MORF4L1: variants seen among roughly 807,000 people sequenced by gnomAD.
MORF4L1 encodes the protein mortality factor 4 like 1, also known as mortality factor 4-like protein 1.
In MORF4L1, 4 loss-of-function variants were observed where a neutral mutation model predicts 52.9. That is an observed-to-expected ratio of 0.08 (90% CI 0.04 to 0.17). The LOEUF (loss-of-function observed/expected upper bound fraction) is 0.17. Ranked by LOEUF, MORF4L1 falls within the 10% of genes least tolerant of loss-of-function variation. The pLI, the probability that MORF4L1 is intolerant of heterozygous loss-of-function variation, is 1.00. For synonymous variants in MORF4L1, 123 were observed against 134.8 expected (o/e 0.91, Z 0.61); for missense variants, 214 against 390.4 (o/e 0.55, Z 3.81).
At chr15:78,886,441 C>G in intron 4 of MORF4L1, 1 of 554,260 alleles carries the variant, frequency 1.8e-6, no homozygotes, top group Non-Finnish European at 3.3e-6. Flanking sequence ...TATCTTAGAC[C>G]TAGGTAGAAA....
chr15:78,896,567 C>T lies in MORF4L1; in HGVS notation c.888-416C>T, dbSNP rs565863174. ...AGGTGATCAGCTTGCCTTGGCCTCCCAAAGTGCTGGGATTACAGGCATGAG... is the reference window on the plus strand; with the variant it reads ...AGGTGATCAGCTTGCCTTGGCCTCCTAAAGTGCTGGGATTACAGGCATGAG... On this transcript the variant is annotated intron_variant, in intron 11 of 11. Transcript: ENST00000426013. Among the ~76,000 whole-genome samples, 24 of 152,176 alleles carry T rather than the reference C, an allele frequency of 1.6e-4. No homozygotes were observed. In the South Asian group the frequency reaches 4.6e-3, roughly 29 times the overall value.
rs1207371940 is a variant in MORF4L1, at chr15:78,882,135, A to AT, written c.155+1563dup. On this transcript the variant is annotated intron_variant, in intron 3 of 11. Transcript: ENST00000426013. Reference sequence around the variant, plus strand: ...AAGTGCATCCTGACAACTTGTGGGTATTTTTTTCCCAGTTAATGATAATTA... The same window carrying AT: ...AAGTGCATCCTGACAACTTGTGGGTATTTTTTTTCCCAGTTAATGATAATTA... Among the ~76,000 whole-genome samples, 7 of 152,216 alleles carry AT rather than the reference A, an allele frequency of 4.6e-5. No homozygotes were observed. The East Asian group carries it at 5.8e-4, about 13-fold the overall frequency.
chr15:78,887,229 T>C (rs760346483), intron 4 of MORF4L1, 40 bp from the exon 5 acceptor site: 1 of 1,525,488 alleles, frequency 6.6e-7, no homozygotes, highest in Admixed American at 2.0e-5. Context: ...TTCACATAAA[T>C]GCTCATTTTA....
rs767685603 is a variant in MORF4L1 at position 78,878,226 on chromosome 15, G to A, written c.54G>A (p.Leu18=). The part of the protein sequence containing the change: ...KPKFQEGERV[L]CFHGPLLYEA... ...CTCCCTTTACAGGTGAGCGAGTGCTGTGCTTTCATGGGCCTCTTCTTTATG... is the reference window on the plus strand; with the variant it reads ...CTCCCTTTACAGGTGAGCGAGTGCTATGCTTTCATGGGCCTCTTCTTTATG... The change falls in exon 2 of 12, where the codon CTG becomes CTA. Residue 18 remains leucine, a synonymous_variant. Coordinates refer to ENST00000426013, the MANE Select transcript of MORF4L1 (RefSeq NM_006791.4). 1.1e-5 allele frequency: 17 copies of A among 1,611,854 alleles called. No individual in the cohort carries two copies. The South Asian group carries it at 1.8e-4, about 17-fold the overall frequency.
At chr15:78,881,750 C>T (rs755947889) in intron 3 of MORF4L1, among the ~76,000 whole-genome samples, 7 of 152,162 alleles carry the variant, frequency 4.6e-5, no homozygotes, top group Admixed American at 3.3e-4. Context: ...ATGCCTTGTC[C>T]TTCAAAGATA....
intron 2 of MORF4L1, among the ~76,000 whole-genome samples, chr15:78,879,022 C>T (rs2056548683): frequency 6.7e-6 from 1 of 148,528 alleles, no homozygotes; most frequent in Non-Finnish European, 1.5e-5. Flanking sequence ...TAAATATTAG[C>T]CATTTTCACT....
At chr15:78,890,968 C>CT (rs747064892) in intron 5 of MORF4L1, 21 bp from the exon 6 acceptor site, 54 of 1,434,748 alleles carry the variant, frequency 3.8e-5, no homozygotes, top group East Asian at 3.3e-4. Flanking sequence ...AATTATTTTT[C>CT]TTTTTTTTCT....
rs2056918137 is a variant in MORF4L1 at position 78,898,044 on chromosome 15, T to A, written c.*977T>A. The A allele has an allele frequency of 6.6e-6, 1 of 152,210 alleles. No homozygotes were observed. Among genetic ancestry groups the A allele is most frequent in the African/African-American group, 2.4e-5 (1 of 41,464 alleles). 9.4% of individuals were successfully genotyped at this position (152,210 alleles called of 1,614,324 possible). The stretch of plus-strand genomic sequence containing the variant: ...ATTATGGTCAGCTTTTTTCTGTCTA[T>A]AATTGTTTACTTTTGTGGGTTTACT... On this transcript the variant is annotated 3_prime_UTR_variant, in exon 12 of 12. Coordinates refer to ENST00000426013, the MANE Select transcript of MORF4L1 (RefSeq NM_006791.4).
At chr15:78,886,270 T>C in intron 4 of MORF4L1, 43 bp downstream of exon 4, 1 of 1,487,820 alleles carries the variant, frequency 6.7e-7, no homozygotes. Context: ...GAAATGCCTG[T>C]AGATTAATTC....
chr15:78,884,734 C>T (rs1671410809), intron 3 of MORF4L1, among the ~76,000 whole-genome samples: 1 of 150,208 alleles, frequency 6.7e-6, no homozygotes, highest in African/African-American at 2.5e-5. Flanking sequence ...GTGCAGGGTA[C>T]TTTTTAAAAT....
rs557498271 is a variant in MORF4L1 at position 78,878,279 on chromosome 15, T to C, written c.87+20T>C. On this transcript the variant is annotated intron_variant, in intron 2 of 11. Transcript: ENST00000426013. ...GCAAAGGTATGAAACTTGTTTTCTT[T>C]TGAGAAGTTGGCCAAAACTACTGGT... 7.5e-6 allele frequency: 12 copies of C among 1,608,822 alleles called. No homozygotes were observed. In the South Asian group the frequency reaches 7.8e-5, roughly 10 times the overall value.
chr15:78,886,081 A>G, intron 3 of MORF4L1, 60 bp from the exon 4 acceptor site: 2 of 1,319,518 alleles, frequency 1.5e-6, no homozygotes, highest in Non-Finnish European at 2.2e-6. Flanking sequence ...TCTTGATCTC[A>G]GAAAATTAGT....
At chr15:78,884,704 T>A (rs2056668233) in intron 3 of MORF4L1, among the ~76,000 whole-genome samples, 1 of 148,090 alleles carries the variant, frequency 6.8e-6, no homozygotes, top group African/African-American at 2.5e-5. Context: ...TCAAAAATAA[T>A]CTCATTTTGA....
intron 3 of MORF4L1, among the ~76,000 whole-genome samples, chr15:78,882,023 C>T (rs939474911): frequency 5.9e-5 from 9 of 152,150 alleles, no homozygotes; most frequent in Admixed American, 1.3e-4. Context: ...GTTGTTTTCA[C>T]GTATCAGATG....
intron 5 of MORF4L1, among the ~76,000 whole-genome samples, chr15:78,888,804 C>G (rs2056750392): frequency 6.6e-6 from 1 of 151,818 alleles, no homozygotes; most frequent in Non-Finnish European, 1.5e-5. Flanking sequence ...TTTTTAAACT[C>G]TTTTTGGTGA....
In MORF4L1 at chr15:78,886,206, G is replaced by A. The variant is rs1203318217; in HGVS notation, c.221G>A (p.Arg74Gln). The change falls in exon 4 of 12, where the codon CGA becomes CAA. Residue 74 changes from arginine to glutamine, a missense_variant. By Grantham distance (43) the Arg-to-Gln change is conservative (BLOSUM62 1). This residue lies in a region of MORF4L1 where 84 missense variants were observed against 116.3 expected (regional missense o/e 0.72). Transcript: ENST00000426013. ...GTGGACACCAATTTGCAGAAACAGC[G>A]AGAACTTCAAAAAGCCAATCAGTAA... ...KYVDTNLQKQ[R>Q]ELQKANQEQY... 9.3e-6 allele frequency: 15 copies of A among 1,613,814 alleles called. No homozygotes were observed. The highest frequency in any genetic ancestry group is 2.7e-5 in the African/African-American group (2 of 74,904).
chr15:78,875,407 T>G (rs752590494), intron 1 of MORF4L1, among the ~76,000 whole-genome samples: 2 of 152,232 alleles, frequency 1.3e-5, no homozygotes, highest in African/African-American at 2.4e-5. Context: ...GAGTCTGTAT[T>G]TAACATTACT....
chr15:78,883,137 C>T (rs748968757), intron 3 of MORF4L1, among the ~76,000 whole-genome samples: 1 of 150,810 alleles, frequency 6.6e-6, no homozygotes, highest in East Asian at 2.0e-4. Context: ...ATCGCTTGAA[C>T]CCAGGAGGCG....
Position 78,877,113 on chromosome 15 carries a change from A to T in MORF4L1, c.41-1100A>T, listed in dbSNP as rs980436498. Among the ~76,000 whole-genome samples the T allele has an allele frequency of 1.6e-3, 95 of 60,948 alleles. 3 individuals carry two copies. Among genetic ancestry groups the T allele is most frequent in the African/African-American group, 5.9e-3 (88 of 14,872 alleles). The allele number at this position is 60,948 out of a possible 152,430, so 40.0% of individuals were successfully genotyped here. A position where few individuals can be genotyped will look rare whatever the true frequency, so the allele number is the denominator to read the frequency against. On this transcript the variant is annotated intron_variant, in intron 1 of 11. Coordinates refer to ENST00000426013, the MANE Select transcript of MORF4L1 (RefSeq NM_006791.4). The stretch of plus-strand genomic sequence containing the variant: ...AGGTGCACATCACCACGCCCGGCTG[A>T]TTTTTTTTTTTTTTTTTTTTTTTTT...
Sources: gnomAD v4.1 joint callset for allele counts (sites outside exome capture counted in the v4.1 genomes callset) on GRCh38, gnomAD v4.1.1 for gene constraint, gnomAD v4.1.1 regional missense constraint, MANE v1.5 for transcripts, NCBI Gene and HGNC (gene_info 2026-07-23, HGNC 2026-07-21) for gene names.